Variants in GABRB1 observed in about 807,000 individuals in gnomAD.
GABRB1 encodes gamma-aminobutyric acid receptor subunit beta-1.
GABRB1 carries 17 observed loss-of-function variants against 51.6 expected under a neutral mutation model. The observed-to-expected ratio is 0.33, with a 90% CI of 0.23 to 0.49. GABRB1 has a LOEUF of 0.49. GABRB1 is among the 20% of genes least tolerant of loss of function. The probability of loss-of-function intolerance (pLI) is 0.99; values close to 1 mark genes in which losing one functional copy is unlikely to be tolerated. For synonymous variants in GABRB1, 247 were observed against 218.9 expected (o/e 1.13, Z -1.14); for missense variants, 410 against 600.6 (o/e 0.68, Z 3.32).
intron 4 of GABRB1, among the ~76,000 whole-genome samples, chr4:47,195,539 G>A (rs1364987347): frequency 1.3e-5 from 2 of 152,000 alleles, no homozygotes; most frequent in Non-Finnish European, 2.9e-5. Flanking sequence ...CTGATTTCTG[G>A]TTTTCAAATA....
intron 5 of GABRB1, among the ~76,000 whole-genome samples, chr4:47,350,534 G>T (rs1210956793): frequency 1.3e-5 from 2 of 151,282 alleles, no homozygotes; most frequent in Admixed American, 1.3e-4. Context: ...TTACTTCATG[G>T]AGTTTCTTTT....
chr4:47,311,793 A>C (rs1724697197), intron 4 of GABRB1, among the ~76,000 whole-genome samples: 1 of 152,182 alleles, frequency 6.6e-6, no homozygotes. Flanking sequence ...GGATTCTAAC[A>C]TACTACTAGC....
chr4:47,200,281 A>G (rs184863865), intron 4 of GABRB1, among the ~76,000 whole-genome samples: 8 of 152,252 alleles, frequency 5.3e-5, no homozygotes, highest in Non-Finnish European at 1.0e-4. Context: ...TTTGAAATGC[A>G]CTTGTTGATA....
rs1274221477 is a variant in GABRB1 at position 47,019,625 on chromosome 4, C to CTCTCTCTCTCTCTTTCTTTCTT, written c.-19-12286_-19-12285insCTCTCTCTCTTTCTTTCTTTCT. Among the ~76,000 whole-genome samples, 172 of 91,092 alleles carry CTCTCTCTCTCTCTTTCTTTCTT rather than the reference C, an allele frequency of 1.9e-3. 1 individual carries two copies. The highest frequency in any genetic ancestry group is 6.6e-3 in the African/African-American group (150 of 22,614). The allele number at this position is 91,092 out of a possible 152,430, so 59.8% of individuals were successfully genotyped here. On this transcript the variant is annotated intron_variant, in intron 1 of 3. Coordinates refer to the GABRB1 transcript ENST00000513567. Reference sequence around the variant, plus strand: ...TCCTCCCTTCTTTCTTTCTTTCTCTCTCTTTCTTTCTTTCTTTCTTTCTTT... The same window carrying CTCTCTCTCTCTCTTTCTTTCTT: ...TCCTCCCTTCTTTCTTTCTTTCTCTCTCTCTCTCTCTCTTTCTTTCTTTCTTTCTTTCTTTCTTTCTTTCTTT...
intron 4 of GABRB1, among the ~76,000 whole-genome samples, chr4:47,262,971 C>A (rs1722501648): frequency 7.0e-6 from 1 of 142,644 alleles, no homozygotes; most frequent in African/African-American, 2.6e-5. Context: ...CATGTTCTCA[C>A]TCATAGGTGG....
chr4:47,078,328 T>A (rs1727664953), intron 3 of GABRB1, among the ~76,000 whole-genome samples: 1 of 152,216 alleles, frequency 6.6e-6, no homozygotes, highest in Admixed American at 6.6e-5. Flanking sequence ...ATTTAACAGA[T>A]GCCTGACTAA....
At chr4:47,237,034 C>T (rs570511840) in intron 4 of GABRB1, among the ~76,000 whole-genome samples, 8 of 151,694 alleles carry the variant, frequency 5.3e-5, no homozygotes, top group African/African-American at 1.7e-4. Flanking sequence ...AAGAAATCAA[C>T]CAAAAATTTC....
intron 3 of GABRB1, among the ~76,000 whole-genome samples, chr4:47,097,296 T>C (rs1714491128): frequency 6.6e-6 from 1 of 152,158 alleles, no homozygotes; most frequent in Admixed American, 6.5e-5. Context: ...CTAGAACTCA[T>C]CAGGCATGCT....
At position 47,220,601 on chromosome 4, in the gene GABRB1, C is replaced by A. The variant is rs1720731061; in HGVS notation, c.461+59132C>A. On this transcript the variant is annotated intron_variant, in intron 4 of 8. Coordinates refer to ENST00000295454, the MANE Select transcript of GABRB1 (RefSeq NM_000812.4). ...ATACATAAACTCAGATCCTGAATCC[C>A]TCCGAAAACCTTCTTTCTATTTTCA... 2.0e-5 allele frequency among the ~76,000 whole-genome samples: 3 copies of A among 151,958 alleles called. 1 individual carries two copies. The South Asian group carries it at 6.2e-4, about 32-fold the overall frequency.
intron 5 of GABRB1, among the ~76,000 whole-genome samples, chr4:47,387,535 T>C (rs572952089): frequency 6.6e-6 from 1 of 152,306 alleles, no homozygotes; most frequent in Non-Finnish European, 1.5e-5. Context: ...ATTATCAAAC[T>C]GGCTCGATAC....
At chr4:47,323,998 C>T (rs956603279) in intron 5 of GABRB1, among the ~76,000 whole-genome samples, 3 of 151,994 alleles carry the variant, frequency 2.0e-5, no homozygotes, top group African/African-American at 7.3e-5. Flanking sequence ...GGTTTGATAG[C>T]CACAAGCATC....
At chr4:47,088,168 C>T (rs769080410) in intron 3 of GABRB1, among the ~76,000 whole-genome samples, 5 of 152,138 alleles carry the variant, frequency 3.3e-5, no homozygotes, top group Non-Finnish European at 5.9e-5. Context: ...TAGAAAAACA[C>T]GAGGCATTAG....
intron 1 of GABRB1, among the ~76,000 whole-genome samples, chr4:47,019,223 T>C (rs1322810364): frequency 6.6e-6 from 1 of 152,158 alleles, no homozygotes; most frequent in Non-Finnish European, 1.5e-5. Flanking sequence ...GCCCTTTTCC[T>C]AGATGCTTGG....
intron 4 of GABRB1, among the ~76,000 whole-genome samples, chr4:47,178,967 A>G (rs1435805483): frequency 6.6e-6 from 1 of 152,102 alleles, no homozygotes; most frequent in Admixed American, 6.6e-5. Flanking sequence ...ATAATGGGCC[A>G]TACTTTTTTT....
intron 4 of GABRB1, among the ~76,000 whole-genome samples, chr4:47,180,015 G>A (rs185084688): frequency 6.6e-6 from 1 of 152,038 alleles, no homozygotes; most frequent in Non-Finnish European, 1.5e-5. Context: ...AGACTAGCCT[G>A]GGCAGCATAG....
At chr4:47,244,438 G>A (rs1196528342) in intron 4 of GABRB1, among the ~76,000 whole-genome samples, 1 of 152,164 alleles carries the variant, frequency 6.6e-6, no homozygotes, top group Non-Finnish European at 1.5e-5. Context: ...CTATTGATAG[G>A]AAGAGTTTCA....
chr4:47,001,741 G>T (rs1225326483), intron 1 of GABRB1, among the ~76,000 whole-genome samples: 2 of 152,192 alleles, frequency 1.3e-5, no homozygotes, highest in African/African-American at 4.8e-5. Context: ...AATTTCTACA[G>T]ATAGAATAAT....
intron 5 of GABRB1, among the ~76,000 whole-genome samples, chr4:47,330,412 C>T (rs2109974371): frequency 6.6e-6 from 1 of 152,278 alleles, no homozygotes; most frequent in East Asian, 1.9e-4. Context: ...ACTAGCACTT[C>T]TTAAGTAGCG....
At chr4:47,346,071 C>T (rs1726078511) in intron 5 of GABRB1, among the ~76,000 whole-genome samples, 1 of 150,588 alleles carries the variant, frequency 6.6e-6, no homozygotes, top group South Asian at 2.1e-4. Context: ...CTGCAGATAC[C>T]CCTATCAATA....
Sources: gnomAD v4.1 joint callset for allele counts (sites outside exome capture counted in the v4.1 genomes callset) on GRCh38, gnomAD v4.1.1 for gene constraint, MANE v1.5 for transcripts, NCBI Gene and HGNC (gene_info 2026-07-23, HGNC 2026-07-21) for gene names.